Variants in TMEM177 observed in about 807,000 individuals in gnomAD.
The protein encoded by TMEM177 is transmembrane protein 177.
In TMEM177, 4 loss-of-function variants were observed where a neutral mutation model predicts 14.2. That is an observed-to-expected ratio of 0.28 (90% CI 0.14 to 0.64). The LOEUF (loss-of-function observed/expected upper bound fraction) is 0.64, where lower values mean the gene tolerates loss of function less well. TMEM177 is among the 30% of genes least tolerant of loss of function. The pLI is 0.82. For synonymous variants in TMEM177, 179 were observed against 174.5 expected (o/e 1.03, Z -0.20); for missense variants, 344 against 405.2 (o/e 0.85, Z 1.30).
the TMEM177 span, among the ~76,000 whole-genome samples, chr2:119,695,757 G>T: frequency 6.6e-6 from 1 of 152,232 alleles, no homozygotes; most frequent in Non-Finnish European, 1.5e-5. Flanking sequence ...GCACCCTGGG[G>T]TGGTAAATTG....
At chr2:119,693,888 A>C in the TMEM177 span, among the ~76,000 whole-genome samples, 4 of 704 alleles carry the variant, frequency 5.7e-3, no homozygotes, top group East Asian at 0.024. Context: ...ACACAAACAT[A>C]CCACATACAC....
At chr2:119,680,592 A>T (rs1688868584) in intron 1 of TMEM177, among the ~76,000 whole-genome samples, 1 of 152,186 alleles carries the variant, frequency 6.6e-6, no homozygotes, top group South Asian at 2.1e-4. Context: ...ATGTTTATTC[A>T]TGTGCTCATC....
At chr2:119,689,300 G>A (rs542661901), downstream of TMEM177, among the ~76,000 whole-genome samples, 13 of 152,234 alleles carry the variant, frequency 8.5e-5, no homozygotes, top group Admixed American at 4.6e-4. Flanking sequence ...GAGTTCTACC[G>A]AAGAGACTGA....
chr2:119,693,567 T>C, the TMEM177 span, among the ~76,000 whole-genome samples: 1 of 152,148 alleles, frequency 6.6e-6, no homozygotes, highest in Admixed American at 6.5e-5. Context: ...GGCTGCTGTC[T>C]GCACAAGCTT....
the TMEM177 span, among the ~76,000 whole-genome samples, chr2:119,702,979 C>T: frequency 1.3e-5 from 2 of 152,194 alleles, no homozygotes; most frequent in East Asian, 1.9e-4. Context: ...GGCAGGAGCC[C>T]GCTGGGCACT....
At chr2:119,704,646 A>T in the TMEM177 span, among the ~76,000 whole-genome samples, 1 of 152,190 alleles carries the variant, frequency 6.6e-6, no homozygotes, top group Admixed American at 6.5e-5. Flanking sequence ...AGGTAGCTTG[A>T]TAAAGTAGGA....
At chr2:119,717,022 C>G in the TMEM177 span, among the ~76,000 whole-genome samples, 1 of 152,080 alleles carries the variant, frequency 6.6e-6, no homozygotes, top group Non-Finnish European at 1.5e-5. Flanking sequence ...TTTTTCTCTT[C>G]TTTTTTCCGT....
At chr2:119,691,397 C>G (rs974501294), downstream of TMEM177, among the ~76,000 whole-genome samples, 1 of 152,160 alleles carries the variant, frequency 6.6e-6, no homozygotes, top group Non-Finnish European at 1.5e-5. Flanking sequence ...ATTCACCAGT[C>G]ATTGCCCAAG....
chr2:119,706,129 T>C, the TMEM177 span, among the ~76,000 whole-genome samples: 1 of 151,640 alleles, frequency 6.6e-6, no homozygotes, highest in Non-Finnish European at 1.5e-5. Context: ...GTTCAAGCAA[T>C]TCTCCTGTCT....
chr2:119,700,415 G>C, the TMEM177 span, among the ~76,000 whole-genome samples: 1 of 152,082 alleles, frequency 6.6e-6, no homozygotes, highest in Non-Finnish European at 1.5e-5. Context: ...TTAAAGCAAC[G>C]GTCAACTCGA....
downstream of TMEM177, among the ~76,000 whole-genome samples, chr2:119,690,723 A>T (rs992000008): frequency 6.6e-6 from 1 of 152,234 alleles, no homozygotes; most frequent in Non-Finnish European, 1.5e-5. Context: ...GACCTGCCAG[A>T]GTCTTAACCC....
the TMEM177 span, among the ~76,000 whole-genome samples, chr2:119,692,969 CAAAAAAAAAAAAAAAA>C: frequency 7.7e-5 from 4 of 52,194 alleles, no homozygotes; most frequent in Non-Finnish European, 1.3e-4. Flanking sequence ...GAGATTGTCT[CAAAAAAAAAAAAAAAA>C]AAAAAAAAAA....
chr2:119,703,214 A>T, the TMEM177 span, among the ~76,000 whole-genome samples: 2 of 152,190 alleles, frequency 1.3e-5, no homozygotes, highest in African/African-American at 4.8e-5. Context: ...TTCCTCTAGA[A>T]CAGTTCTTTT....
chr2:119,687,203 G>A (rs559784557), downstream of TMEM177, among the ~76,000 whole-genome samples: 34 of 152,242 alleles, frequency 2.2e-4, 1 homozygote, highest in Admixed American at 1.3e-3. Flanking sequence ...CCCACATGGC[G>A]AGGAACTAAA....
downstream of TMEM177, among the ~76,000 whole-genome samples, chr2:119,688,264 TGTAAA>T (rs1357876916): frequency 6.6e-6 from 1 of 152,170 alleles, no homozygotes; most frequent in East Asian, 1.9e-4. Context: ...ATTCACAAAA[TGTAAA>T]GTAGTTGTGT....
At chr2:119,694,394 T>C in the TMEM177 span, among the ~76,000 whole-genome samples, 2 of 151,994 alleles carry the variant, frequency 1.3e-5, no homozygotes, top group Non-Finnish European at 2.9e-5. Flanking sequence ...CCAGCCTAAA[T>C]AAGGGTGATG....
chr2:119,709,497 G>A, the TMEM177 span, among the ~76,000 whole-genome samples: 3 of 152,164 alleles, frequency 2.0e-5, no homozygotes, highest in Non-Finnish European at 4.4e-5. Flanking sequence ...GCAACATAGT[G>A]AGATCCTATA....
At position 119,681,438 on chromosome 2, in the gene TMEM177, A is replaced by G. The variant is rs745655371; in HGVS notation, c.585A>G (p.Ala195=). 5 of 1,613,780 alleles carry G rather than the reference A, an allele frequency of 3.1e-6. 1 individual carries two copies. In the South Asian group the frequency reaches 5.5e-5, roughly 18 times the overall value. Residue 195 remains alanine, a synonymous_variant, in exon 2 of 2, where the codon GCA becomes GCG. Coordinates refer to ENST00000272521, the MANE Select transcript of TMEM177 (RefSeq NM_030577.3). ...CCAAGTACACCCTGGGGCTCCATGC[A>G]GGCCCCATGAATTTACGGGCTGCCT... ...VGAKYTLGLH[A]GPMNLRAAFS...
chr2:119,681,546 G>T lies in TMEM177; in HGVS notation c.693G>T (p.Leu231=). 1.2e-6 allele frequency: 2 copies of T among 1,614,180 alleles called. No homozygotes were observed. Among genetic ancestry groups the T allele is most frequent in the Non-Finnish European group, 1.7e-6 (2 of 1,180,030 alleles). The change falls in exon 2 of 2, where the codon CTG becomes CTT. Residue 231 remains leucine, a synonymous_variant. Coordinates refer to ENST00000272521, the MANE Select transcript of TMEM177 (RefSeq NM_030577.3). ...DSLTHAVESW[L]DRRTASLSAA... ...TCACTCATGCCGTGGAGTCCTGGCTGGACCGCCGCACGGCCTCCCTCTCTG... is the reference window on the plus strand; with the variant it reads ...TCACTCATGCCGTGGAGTCCTGGCTTGACCGCCGCACGGCCTCCCTCTCTG...
Sources: gnomAD v4.1 joint callset for allele counts (sites outside exome capture counted in the v4.1 genomes callset) on GRCh38, gnomAD v4.1.1 for gene constraint, MANE v1.5 for transcripts, NCBI Gene and HGNC (gene_info 2026-07-23, HGNC 2026-07-21) for gene names.